VPS41: variants seen among roughly 807,000 people sequenced by gnomAD.
VPS41 encodes VPS41 subunit of HOPS complex.
A neutral mutation model predicts 130.9 loss-of-function variants in VPS41; 85 were observed. The observed-to-expected ratio is 0.65, with a 90% CI of 0.55 to 0.78. VPS41 has a LOEUF of 0.78. Ranked by LOEUF, VPS41 falls within the 30% of genes least tolerant of loss-of-function variation. VPS41 has a pLI of 0.00. For synonymous variants in VPS41, 335 were observed against 332.9 expected (o/e 1.01, Z -0.07); for missense variants, 874 against 1,018.7 (o/e 0.86, Z 1.93).
intron 2 of VPS41, 99 bp downstream of exon 2, chr7:38,897,992 C>T: frequency 8.9e-7 from 1 of 1,126,820 alleles, no homozygotes; most frequent in South Asian, 1.3e-5. Context: ...CTGCTTTACA[C>T]CCTCAGCCCC....
At chr7:38,894,954 T>C (rs1320744014) in intron 2 of VPS41, among the ~76,000 whole-genome samples, 1 of 152,252 alleles carries the variant, frequency 6.6e-6, no homozygotes, top group African/African-American at 2.4e-5. Flanking sequence ...CTCCTCAGTT[T>C]GGCCAAGTCT....
chr7:38,793,598 T>C (rs1584398857), intron 9 of VPS41, among the ~76,000 whole-genome samples: 1 of 152,102 alleles, frequency 6.6e-6, no homozygotes, highest in East Asian at 1.9e-4. Context: ...ACTTGGTGGT[T>C]TAAAACAACA....
At chr7:38,792,826 A>AC (rs1425879278) in intron 9 of VPS41, among the ~76,000 whole-genome samples, 1 of 150,946 alleles carries the variant, frequency 6.6e-6, no homozygotes, top group South Asian at 2.1e-4. Flanking sequence ...ACCCTCCCCG[A>AC]CCCCCACTTA....
chr7:38,726,896 G>A lies in VPS41; in HGVS notation c.2484+13C>T. 6.5e-7 allele frequency: 1 copy of A among 1,533,634 alleles called. No homozygotes were observed. Among genetic ancestry groups the A allele is most frequent in the Non-Finnish European group, 8.8e-7 (1 of 1,141,442 alleles). ...TTTCCCTCTAGTTGATAGGTGCCAA[G>A]CTGCCAACTCACCATGCTGGGCATG... On this transcript the variant is annotated intron_variant, in intron 28 of 28. Transcript: ENST00000310301.
At chr7:38,775,995 C>A (rs1584390306) in intron 11 of VPS41, among the ~76,000 whole-genome samples, 1 of 152,110 alleles carries the variant, frequency 6.6e-6, no homozygotes, top group Non-Finnish European at 1.5e-5. Flanking sequence ...GCTGGCAGGA[C>A]CCCTGGACTC....
intron 7 of VPS41, among the ~76,000 whole-genome samples, chr7:38,816,255 A>C (rs556982549): frequency 3.3e-5 from 5 of 152,224 alleles, no homozygotes; most frequent in African/African-American, 1.2e-4. Flanking sequence ...GGGCTGTGAG[A>C]TGGGGGAAGG....
chr7:38,906,339 T>TG (rs1262111511), intron 1 of VPS41, among the ~76,000 whole-genome samples: 1 of 151,742 alleles, frequency 6.6e-6, no homozygotes, highest in Non-Finnish European at 1.5e-5. Flanking sequence ...TGGGTTTTTT[T>TG]TTGTTTGTTT....
intron 2 of VPS41, among the ~76,000 whole-genome samples, chr7:38,897,756 T>C (rs899147042): frequency 1.3e-5 from 2 of 151,910 alleles, no homozygotes; most frequent in Admixed American, 1.3e-4. Flanking sequence ...TCATAAAACC[T>C]ACAGTGGCTA....
chr7:38,818,993 C>T (rs1221861620), intron 6 of VPS41, among the ~76,000 whole-genome samples: 1 of 152,148 alleles, frequency 6.6e-6, no homozygotes, highest in Non-Finnish European at 1.5e-5. Flanking sequence ...TTTCCTAATC[C>T]ATCCTCAATA....
chr7:38,904,282 T>G (rs1353084404), intron 1 of VPS41, among the ~76,000 whole-genome samples: 2 of 152,160 alleles, frequency 1.3e-5, no homozygotes, highest in Non-Finnish European at 2.9e-5. Context: ...GCTAGTGAAG[T>G]GGCCTCTAGC....
intron 7 of VPS41, among the ~76,000 whole-genome samples, chr7:38,801,007 T>C (rs181164626): frequency 1.3e-5 from 2 of 152,364 alleles, no homozygotes; most frequent in East Asian, 1.9e-4. Context: ...CCTACCAAAA[T>C]GCAAGCTCAC....
chr7:38,785,050 T>C (rs984850003), intron 10 of VPS41, among the ~76,000 whole-genome samples: 1 of 152,228 alleles, frequency 6.6e-6, no homozygotes, highest in Non-Finnish European at 1.5e-5. Flanking sequence ...CTTATATTCA[T>C]TTATGAAAAT....
chr7:38,765,465 A>G (rs1784020492), intron 16 of VPS41, 115 bp downstream of exon 16: 1 of 672,196 alleles, frequency 1.5e-6, no homozygotes, highest in Admixed American at 3.5e-5. Flanking sequence ...TTTTCTTTCC[A>G]TCTGAGATAA....
intron 1 of VPS41, among the ~76,000 whole-genome samples, chr7:38,904,559 C>A (rs543723710): frequency 5.3e-5 from 8 of 152,328 alleles, no homozygotes; most frequent in Non-Finnish European, 7.3e-5. Flanking sequence ...CGATGATTAA[C>A]CTCTGTCTTA....
chr7:38,905,798 GTTGT>G (rs976590169), intron 1 of VPS41, among the ~76,000 whole-genome samples: 1 of 152,014 alleles, frequency 6.6e-6, no homozygotes, highest in Non-Finnish European at 1.5e-5. Context: ...TTTTGTTGTT[GTTGT>G]TTGTTTTTGA....
rs150455989 is a variant in VPS41 at position 38,765,121 on chromosome 7, T to C, written c.1329+459A>G. Among the ~76,000 whole-genome samples, 99 of 152,348 alleles carry C rather than the reference T, an allele frequency of 6.5e-4. 1 individual carries two copies. Among genetic ancestry groups the C allele is most frequent in the Admixed American group, 6.5e-4 (10 of 15,296 alleles). On this transcript the variant is annotated intron_variant, in intron 16 of 28. Transcript: ENST00000310301. ...ACTTTATTGATTGATTAGGATGTTG[T>C]GCACTAAGTTGAAAGATTTAAAAAA...
chr7:38,862,780 T>C (rs1046849345), intron 3 of VPS41, among the ~76,000 whole-genome samples, 158 bp from the exon 4 acceptor site: 1 of 152,168 alleles, frequency 6.6e-6, no homozygotes, highest in African/African-American at 2.4e-5. Context: ...TTCCAGCTTC[T>C]GGGAAATAAC....
chr7:38,736,489 C>T (rs117154431), intron 25 of VPS41, among the ~76,000 whole-genome samples: 1,535 of 152,350 alleles, frequency 0.01, 12 homozygotes, highest in Non-Finnish European at 0.014. Context: ...CAGGAGCCCA[C>T]GTCTGCAAAT....
intron 22 of VPS41, among the ~76,000 whole-genome samples, chr7:38,748,625 T>C (rs924211111): frequency 1.8e-4 from 27 of 151,380 alleles, no homozygotes; most frequent in Admixed American, 1.6e-3. Context: ...TTAACCACTC[T>C]AGGCACAAGC....
Sources: gnomAD v4.1 joint callset for allele counts (sites outside exome capture counted in the v4.1 genomes callset) on GRCh38, gnomAD v4.1.1 for gene constraint, MANE v1.5 for transcripts, NCBI Gene and HGNC (gene_info 2026-07-23, HGNC 2026-07-21) for gene names.